Variants in NCALD observed in about 807,000 individuals in gnomAD.
The protein encoded by NCALD is neurocalcin delta.
A neutral mutation model predicts 18.6 loss-of-function variants in NCALD; 10 were observed. The observed-to-expected ratio is 0.54, with a 90% CI of 0.33 to 0.91. The LOEUF is 0.91. NCALD is among the 40% of genes least tolerant of loss of function. NCALD has a pLI of 0.03. For missense variants in NCALD, 184 were observed against 247.6 expected (o/e 0.74, Z 1.72); for synonymous variants, 88 against 87.4 (o/e 1.01, Z -0.04).
chr8:101,755,399 A>G (rs1013123589), intron 1 of NCALD, among the ~76,000 whole-genome samples: 1 of 152,172 alleles, frequency 6.6e-6, no homozygotes, highest in African/African-American at 2.4e-5. Context: ...TGTTTCAGAT[A>G]TGCTCTGTCA....
chr8:101,973,117 G>A (rs1226860097), intron 2 of NCALD, among the ~76,000 whole-genome samples: 3 of 152,096 alleles, frequency 2.0e-5, no homozygotes, highest in Non-Finnish European at 4.4e-5. Flanking sequence ...GGAAAGCAAG[G>A]GGGAAAATTT....
chr8:101,828,060 A>C (rs982104423), intron 4 of NCALD, among the ~76,000 whole-genome samples: 4 of 152,228 alleles, frequency 2.6e-5, no homozygotes, highest in African/African-American at 9.6e-5. Context: ...GCAAACACTT[A>C]GCATCTTCAC....
At chr8:102,035,607 C>CT (rs1822835288) in intron 1 of NCALD, among the ~76,000 whole-genome samples, 1 of 152,012 alleles carries the variant, frequency 6.6e-6, no homozygotes, top group Admixed American at 6.6e-5. Flanking sequence ...AAGCCCTCTG[C>CT]TTGACTAGGG....
At chr8:101,732,496 A>C (rs1816879428) in intron 1 of NCALD, among the ~76,000 whole-genome samples, 2 of 152,082 alleles carry the variant, frequency 1.3e-5, no homozygotes, top group African/African-American at 4.8e-5. Context: ...TGGTTTAGAA[A>C]GAATCTTTTT....
intron 2 of NCALD, among the ~76,000 whole-genome samples, chr8:101,921,562 C>G (rs1052596795): frequency 5.9e-5 from 9 of 152,066 alleles, no homozygotes; most frequent in Admixed American, 5.2e-4. Flanking sequence ...GAATTGAATA[C>G]TGTTAAAGCA....
chr8:102,036,147 T>A (rs13251787), intron 1 of NCALD, among the ~76,000 whole-genome samples: 49,391 of 144,892 alleles, frequency 0.34, 8,469 homozygotes, highest in Non-Finnish European at 0.38. Context: ...ATAAATAAAT[T>A]AATTAATTAA....
chr8:101,974,995 A>C (rs1195048456), intron 2 of NCALD, among the ~76,000 whole-genome samples: 1 of 152,240 alleles, frequency 6.6e-6, no homozygotes. Flanking sequence ...TGAGCAAGAC[A>C]GAACCTTAGG....
chr8:101,858,102 C>T (rs990163429), intron 4 of NCALD, among the ~76,000 whole-genome samples: 1 of 152,058 alleles, frequency 6.6e-6, no homozygotes, highest in Non-Finnish European at 1.5e-5. Context: ...ATTAAATAAA[C>T]TCATTGGTAT....
chr8:101,976,312 C>A (rs1820420969), intron 2 of NCALD, among the ~76,000 whole-genome samples: 1 of 152,174 alleles, frequency 6.6e-6, no homozygotes, highest in African/African-American at 2.4e-5. Flanking sequence ...GTGACCTTGG[C>A]TGGTACACAA....
chr8:101,922,165 A>T (rs1818190065), intron 2 of NCALD, among the ~76,000 whole-genome samples: 1 of 150,684 alleles, frequency 6.6e-6, no homozygotes, highest in African/African-American at 2.5e-5. Context: ...AAAAAAAAAA[A>T]TGGTGTCTCT....
At chr8:101,833,633 T>C (rs1248043565) in intron 4 of NCALD, among the ~76,000 whole-genome samples, 1 of 113,432 alleles carries the variant, frequency 8.8e-6, no homozygotes, top group African/African-American at 3.7e-5. Flanking sequence ...TTTTTTTTTT[T>C]GGTAACAATT....
intron 2 of NCALD, among the ~76,000 whole-genome samples, chr8:102,013,025 A>T (rs1046676763): frequency 7.2e-5 from 11 of 152,156 alleles, no homozygotes; most frequent in African/African-American, 2.7e-4. Context: ...TCACACACAT[A>T]CATACATAAG....
chr8:101,706,103 G>A (rs1301048341), intron 2 of NCALD, among the ~76,000 whole-genome samples: 1 of 152,134 alleles, frequency 6.6e-6, no homozygotes. Flanking sequence ...ACATAAGATT[G>A]GAAAACTATT....
chr8:102,119,174 C>T (rs990130059), intron 1 of NCALD, among the ~76,000 whole-genome samples: 6 of 152,162 alleles, frequency 3.9e-5, no homozygotes, highest in Non-Finnish European at 5.9e-5. Context: ...GCAACCCAAA[C>T]GTCCATCAGC....
chr8:101,787,621 C>T (rs1307540428), intron 1 of NCALD, among the ~76,000 whole-genome samples: 2 of 152,184 alleles, frequency 1.3e-5, no homozygotes, highest in Non-Finnish European at 2.9e-5. Context: ...AATGAGACAA[C>T]TACTTACATA....
chr8:101,944,438 G>A (rs1186503994), intron 2 of NCALD, among the ~76,000 whole-genome samples: 1 of 152,212 alleles, frequency 6.6e-6, no homozygotes, highest in Non-Finnish European at 1.5e-5. Context: ...CTGAAGTCAA[G>A]GAACAGCAGG....
chr8:101,721,028 G>A (rs1293377230), intron 1 of NCALD, among the ~76,000 whole-genome samples: 1 of 152,140 alleles, frequency 6.6e-6, no homozygotes. Context: ...GGGCATGGGT[G>A]CTCTCAGGGA....
intron 1 of NCALD, among the ~76,000 whole-genome samples, chr8:101,776,337 C>T (rs1811789228): frequency 6.6e-6 from 1 of 152,138 alleles, no homozygotes; most frequent in Admixed American, 6.6e-5. Context: ...TTCATTCTTT[C>T]ACTCACTGAC....
chr8:101,747,014 C>A (rs1810454613), intron 1 of NCALD, among the ~76,000 whole-genome samples: 1 of 152,146 alleles, frequency 6.6e-6, no homozygotes, highest in Admixed American at 6.5e-5. Flanking sequence ...TATGCCATCA[C>A]CAACACTGCC....
Sources: gnomAD v4.1 joint callset for allele counts (sites outside exome capture counted in the v4.1 genomes callset) on GRCh38, gnomAD v4.1.1 for gene constraint, MANE v1.5 for transcripts, NCBI Gene and HGNC (gene_info 2026-07-23, HGNC 2026-07-21) for gene names.